MTFR1: variants seen among roughly 807,000 people sequenced by gnomAD.
MTFR1 encodes the protein mitochondrial fission regulator 1.
In MTFR1, 28 loss-of-function variants were observed where a neutral mutation model predicts 38.8. That is an observed-to-expected ratio of 0.72 (90% CI 0.53 to 0.99). MTFR1 has a LOEUF of 0.99. Ranked by LOEUF, MTFR1 falls within the 50% of genes least tolerant of loss-of-function variation. The pLI is 0.00. For synonymous variants in MTFR1, 145 were observed against 137.0 expected, an observed-to-expected ratio of 1.06 and a Z score of -0.41; for missense variants, 358 against 395.5, an observed-to-expected ratio of 0.91 and a Z score of 0.81.
chr8:65,653,028 T>G (rs1249816574), intron 1 of MTFR1, among the ~76,000 whole-genome samples: 1 of 152,214 alleles, frequency 6.6e-6, no homozygotes, highest in Non-Finnish European at 1.5e-5. Flanking sequence ...CCTAAAGAGA[T>G]GATTTTAGGT....
At chr8:65,654,219 G>T (rs1261742042) in intron 1 of MTFR1, among the ~76,000 whole-genome samples, 1 of 152,096 alleles carries the variant, frequency 6.6e-6, no homozygotes, top group African/African-American at 2.4e-5. Context: ...TTAAGTTTTG[G>T]TAAGTTTTCA....
At chr8:65,691,519 G>A (rs1805277101) in intron 3 of MTFR1, among the ~76,000 whole-genome samples, 1 of 152,148 alleles carries the variant, frequency 6.6e-6, no homozygotes. Flanking sequence ...TCAAGCTCCT[G>A]GGGCCTCAAG....
At chr8:65,665,786 G>A (rs190828511) in intron 1 of MTFR1, among the ~76,000 whole-genome samples, 25 of 152,302 alleles carry the variant, frequency 1.6e-4, no homozygotes, top group Admixed American at 5.9e-4. Context: ...GTCACACCCA[G>A]CTTTACCAGC....
chr8:65,646,499 T>C (rs896773662), intron 1 of MTFR1, among the ~76,000 whole-genome samples: 3 of 151,922 alleles, frequency 2.0e-5, no homozygotes, highest in African/African-American at 7.3e-5. Flanking sequence ...GAGAGAGGTA[T>C]GTTTGTTCTT....
At chr8:65,771,567 C>G (rs1809083223), downstream of MTFR1, among the ~76,000 whole-genome samples, 1 of 152,070 alleles carries the variant, frequency 6.6e-6, no homozygotes. Context: ...GATCAAAGAA[C>G]AGATAATCCT....
chr8:65,703,270 T>C (rs1034894029), intron 4 of MTFR1, among the ~76,000 whole-genome samples: 6 of 151,724 alleles, frequency 4.0e-5, no homozygotes, highest in Non-Finnish European at 1.5e-5. Context: ...CCTATAGTCC[T>C]AGCTACTCAG....
intron 5 of MTFR1, among the ~76,000 whole-genome samples, chr8:65,705,351 C>A (rs1206254920): frequency 2.0e-5 from 3 of 152,174 alleles, no homozygotes; most frequent in Non-Finnish European, 4.4e-5. Flanking sequence ...AACAAAAAAA[C>A]CAGGTGTCAG....
chr8:65,729,316 A>G (rs921001338), intron 3 of MTFR1, among the ~76,000 whole-genome samples: 3 of 142,528 alleles, frequency 2.1e-5, no homozygotes, highest in Non-Finnish European at 4.5e-5. Flanking sequence ...GCCAGCCCTT[A>G]TCATTTCCCA....
intron 4 of MTFR1, 25 bp downstream of exon 4, chr8:65,693,784 T>G (rs1805353744): frequency 6.6e-7 from 1 of 1,518,348 alleles, no homozygotes; most frequent in African/African-American, 1.4e-5. Flanking sequence ...CTATCAGAAC[T>G]GAGATGCAAT....
At chr8:65,758,571 A>T (rs1308056364) in intron 3 of MTFR1, among the ~76,000 whole-genome samples, 1 of 152,202 alleles carries the variant, frequency 6.6e-6, no homozygotes, top group Non-Finnish European at 1.5e-5. Context: ...GTGAGCACAC[A>T]CTTGTGACGG....
At chr8:65,710,679 A>G (rs1283203474), downstream of MTFR1, 10 of 152,164 alleles carry the variant, frequency 6.6e-5, no homozygotes, top group Admixed American at 6.5e-4. Context: ...CCTTAAAATA[A>G]GCTCTTAAAA....
In MTFR1 at chr8:65,704,680, T is replaced by C. The variant is rs374121838; in HGVS notation, c.282-14T>C. 3 of 1,611,404 alleles carry C rather than the reference T, an allele frequency of 1.9e-6. No homozygotes were observed. The African/African-American group carries it at 4.0e-5, about 22-fold the overall frequency. On this transcript the variant is annotated splice_polypyrimidine_tract_variant and intron_variant, in intron 4 of 7. Coordinates refer to ENST00000262146, the MANE Select transcript of MTFR1 (RefSeq NM_014637.4). ...ACAAAGCCTGTGACAGCCCACCTTA[T>C]GTCTTCCTTGCAGGACAGAGGTCAG...
chr8:65,645,396 T>A (rs1362591118), intron 1 of MTFR1, among the ~76,000 whole-genome samples: 1 of 152,246 alleles, frequency 6.6e-6, no homozygotes, highest in African/African-American at 2.4e-5. Flanking sequence ...CCTTTGGGCA[T>A]TAACAACAGC....
chr8:65,771,861 C>G (rs942177496), downstream of MTFR1, among the ~76,000 whole-genome samples: 1 of 121,192 alleles, frequency 8.3e-6, no homozygotes, highest in Admixed American at 1.1e-4. Context: ...GGCAACAGAT[C>G]GAGACTCCGA....
At chr8:65,692,302 T>G (rs1025765487) in intron 3 of MTFR1, among the ~76,000 whole-genome samples, 1 of 152,208 alleles carries the variant, frequency 6.6e-6, no homozygotes, top group African/African-American at 2.4e-5. Flanking sequence ...CAGTTATCTT[T>G]TTTGTTTTTC....
chr8:65,723,519 A>T, intron 3 of MTFR1: 1 of 1,477,338 alleles, frequency 6.8e-7, no homozygotes, highest in Non-Finnish European at 9.0e-7. Context: ...CTAACCAGCT[A>T]TATCTAAATA....
At chr8:65,723,958 C>T (rs1282773163) in intron 3 of MTFR1, among the ~76,000 whole-genome samples, 1 of 152,152 alleles carries the variant, frequency 6.6e-6, no homozygotes, top group Non-Finnish European at 1.5e-5. Context: ...TATGGCCCTC[C>T]ACACACGACA....
chr8:65,662,092 C>T (rs1481913373), intron 1 of MTFR1, among the ~76,000 whole-genome samples: 3 of 98,256 alleles, frequency 3.1e-5, no homozygotes, highest in East Asian at 2.4e-4. Flanking sequence ...CTCCCTCTCC[C>T]TCTCTTTCCA....
intron 3 of MTFR1, chr8:65,726,796 T>A (rs1000888906): frequency 6.6e-6 from 5 of 760,224 alleles, no homozygotes; most frequent in Non-Finnish European, 1.1e-5. Flanking sequence ...CATAACAATT[T>A]TTAAAACTTT....
Sources: allele counts gnomAD v4.1 joint callset (sites outside exome capture counted in the v4.1 genomes callset), GRCh38; gene constraint gnomAD v4.1.1; transcripts MANE v1.5; gene names NCBI Gene and HGNC (gene_info 2026-07-23, HGNC 2026-07-21).